Variants in INVS observed in about 807,000 individuals in gnomAD.
INVS encodes the protein inversin.
INVS carries 86 observed loss-of-function variants against 108.8 expected under a neutral mutation model. The observed-to-expected ratio is 0.79, with a 90% CI of 0.66 to 0.95. The LOEUF (loss-of-function observed/expected upper bound fraction) is 0.95, where lower values mean the gene tolerates loss of function less well. Ranked by LOEUF, INVS falls within the 40% of genes least tolerant of loss-of-function variation. The pLI is 0.00. For missense variants in INVS, 1,169 were observed against 1,297.4 expected (o/e 0.90, Z 1.52); for synonymous variants, 455 against 473.5 (o/e 0.96, Z 0.51).
Position 100,294,337 on chromosome 9 carries a change from T to C in INVS, c.2786+1294T>C, listed in dbSNP as rs148082237. Among the ~76,000 whole-genome samples the C allele has an allele frequency of 9.9e-5, 15 of 152,266 alleles. No homozygotes were observed. In the East Asian group the frequency reaches 2.3e-3, roughly 24 times the overall value. On this transcript the variant is annotated intron_variant, in intron 14 of 16. Coordinates refer to ENST00000262457, the MANE Select transcript of INVS (RefSeq NM_014425.5). ...TCCTTAACATTGGCAGGGAGAAAAC[T>C]AGATAGATTCCCAGGAGGTCCAGGG...
chr9:100,169,687 TA>T (rs1829478618), intron 3 of INVS, among the ~76,000 whole-genome samples: 1 of 152,150 alleles, frequency 6.6e-6, no homozygotes, highest in South Asian at 2.1e-4. Context: ...GCATCCTCTA[TA>T]CAGTATATCT....
At chr9:100,224,392 T>C (rs974695509) in intron 3 of INVS, among the ~76,000 whole-genome samples, 1 of 152,136 alleles carries the variant, frequency 6.6e-6, no homozygotes. Context: ...GAGAACCTGA[T>C]CAGGCAATAC....
chr9:100,184,983 T>G (rs1830011009), intron 3 of INVS, among the ~76,000 whole-genome samples: 1 of 152,164 alleles, frequency 6.6e-6, no homozygotes, highest in Non-Finnish European at 1.5e-5. Flanking sequence ...ATGCCATAGA[T>G]TTATTGATTG....
Position 100,293,039 on chromosome 9 carries a change from C to T in INVS, c.2782C>T (p.Arg928Ter), listed in dbSNP as rs376879175. The part of the protein sequence containing the change: ...KAAAVIQRAW[R>*]SYQLRKHLSH... The stretch of plus-strand genomic sequence containing the variant: ...AGCAGCAGTCATCCAGCGCGCCTGG[C>T]GAAGGTAGGAAAATGGGGTGCTGCC... Residue 928 changes from arginine to a stop codon, truncating the protein, a stop_gained, in exon 14 of 17, where the codon CGA (arginine) becomes TGA (stop). Coordinates refer to ENST00000262457, the MANE Select transcript of INVS (RefSeq NM_014425.5). LOFTEE classifies it high-confidence loss of function. 1.5e-5 allele frequency: 24 copies of T among 1,613,024 alleles called. No homozygotes were observed. The highest frequency in any genetic ancestry group is 1.2e-4 in the African/African-American group (9 of 74,892).
intron 3 of INVS, among the ~76,000 whole-genome samples, chr9:100,183,791 A>AG (rs1448332428): frequency 6.1e-4 from 76 of 123,896 alleles, no homozygotes; most frequent in African/African-American, 2.4e-3. Context: ...ACTCTGTTTC[A>AG]GGGAAAAAAA....
chr9:100,246,714 T>A lies in INVS; in HGVS notation c.1005T>A (p.Asp335Glu), dbSNP rs774809804. 5 of 1,613,844 alleles carry A rather than the reference T, an allele frequency of 3.1e-6. No individual in the cohort carries two copies. Among genetic ancestry groups the A allele is most frequent in the Non-Finnish European group, 8.5e-7 (1 of 1,179,838 alleles). The stretch of plus-strand genomic sequence containing the variant: ...TGTGGGCAGCTGGCAAAGGCAGTGA[T>A]GATGTCCTTAGAACTATGCTGAGCT... ...SFMWAAGKGSDDVLRTMLSLK... is the reference protein window; with the variant it reads ...SFMWAAGKGSEDVLRTMLSLK... The change falls in exon 8 of 17, where the codon GAT (aspartate) becomes GAA (glutamate). Residue 335 changes from aspartate to glutamate, a missense_variant. Asp to Glu is a conservative substitution (Grantham distance 45). Coordinates refer to ENST00000262457, the MANE Select transcript of INVS (RefSeq NM_014425.5).
intron 16 of INVS, 63 bp downstream of exon 16, chr9:100,298,073 C>A: frequency 6.2e-7 from 1 of 1,612,406 alleles, no homozygotes; most frequent in South Asian, 1.1e-5. Context: ...TCCTTTGTTT[C>A]ATCCCCAAAG....
chr9:100,288,969 G>A (rs948911106), intron 13 of INVS, among the ~76,000 whole-genome samples: 8 of 101,742 alleles, frequency 7.9e-5, no homozygotes, highest in Non-Finnish European at 1.2e-4. Context: ...CTCTTTTGCT[G>A]GTTGGAAAGA....
At chr9:100,184,703 G>T (rs1564149027) in intron 3 of INVS, among the ~76,000 whole-genome samples, 2 of 151,928 alleles carry the variant, frequency 1.3e-5, no homozygotes, top group East Asian at 1.9e-4. Flanking sequence ...AGGCTACATG[G>T]TATACAAAAA....
At chr9:100,114,637 T>G (rs1827452539) in intron 2 of INVS, among the ~76,000 whole-genome samples, 1 of 152,084 alleles carries the variant, frequency 6.6e-6, no homozygotes, top group Non-Finnish European at 1.5e-5. Flanking sequence ...ACTCCAGGCT[T>G]CAAGGGATCT....
chr9:100,241,937 T>C (rs1251220414), intron 6 of INVS, among the ~76,000 whole-genome samples: 1 of 152,208 alleles, frequency 6.6e-6, no homozygotes, highest in Non-Finnish European at 1.5e-5. Context: ...TTTCTACAGC[T>C]CTTCACTTGT....
At chr9:100,183,238 C>T (rs564131191) in intron 3 of INVS, among the ~76,000 whole-genome samples, 11 of 152,028 alleles carry the variant, frequency 7.2e-5, no homozygotes, top group Admixed American at 3.3e-4. Flanking sequence ...CCAACCTGCA[C>T]GTTCTGCACA....
intron 3 of INVS, among the ~76,000 whole-genome samples, chr9:100,225,848 T>C (rs1831300844): frequency 6.6e-6 from 1 of 152,158 alleles, no homozygotes; most frequent in East Asian, 1.9e-4. Context: ...CCAGCCACTA[T>C]GTAAATTATA....
intron 3 of INVS, among the ~76,000 whole-genome samples, chr9:100,136,170 A>G (rs1828218146): frequency 1.3e-5 from 2 of 152,202 alleles, no homozygotes; most frequent in Non-Finnish European, 2.9e-5. Flanking sequence ...GTGGACACAC[A>G]AGCTAGATAT....
At chr9:100,153,715 T>G (rs1047253620) in intron 3 of INVS, among the ~76,000 whole-genome samples, 1 of 152,202 alleles carries the variant, frequency 6.6e-6, no homozygotes, top group Admixed American at 6.5e-5. Context: ...TATCAAGTTA[T>G]CAGCATCTGC....
chr9:100,237,487 G>T (rs1400442323), intron 5 of INVS, among the ~76,000 whole-genome samples: 1 of 152,126 alleles, frequency 6.6e-6, no homozygotes, highest in East Asian at 1.9e-4. Flanking sequence ...CCCTGGTGCT[G>T]TAGGCACCCT....
chr9:100,101,990 A>G (rs1359957101), intron 1 of INVS: 4 of 152,232 alleles, frequency 2.6e-5, no homozygotes, highest in Non-Finnish European at 5.9e-5. Context: ...TTTCCTTCCC[A>G]TCAGGTGTTT....
chr9:100,157,260 T>C (rs1829020470), intron 3 of INVS, among the ~76,000 whole-genome samples: 1 of 143,920 alleles, frequency 6.9e-6, no homozygotes, highest in Admixed American at 6.7e-5. Flanking sequence ...AAAAATTTCT[T>C]TTTTTTCTTT....
chr9:100,146,319 G>T (rs189953127), intron 3 of INVS, among the ~76,000 whole-genome samples: 1 of 152,192 alleles, frequency 6.6e-6, no homozygotes, highest in African/African-American at 2.4e-5. Context: ...GGGGTCACAA[G>T]GTGCTCAGTA....
Sources: allele counts gnomAD v4.1 joint callset (sites outside exome capture counted in the v4.1 genomes callset), GRCh38; gene constraint gnomAD v4.1.1; transcripts MANE v1.5; gene names NCBI Gene and HGNC (gene_info 2026-07-23, HGNC 2026-07-21).